The following CELF4 variants were observed in gnomAD, a reference collection of about 807,000 sequenced individuals.
The protein encoded by CELF4 is CUG-BP- and ETR-3-like factor 4.
Under a neutral mutation model 59.9 loss-of-function variants are expected in CELF4, and 18 were observed. The observed-to-expected ratio is 0.30, with a 90% confidence interval of 0.21 to 0.45. The LOEUF is 0.45. Among genes scored for constraint, CELF4 ranks in the 20% least tolerant of loss-of-function variants. CELF4 has a pLI of 1.00. For synonymous variants in CELF4, 261 were observed against 267.1 expected, an observed-to-expected ratio of 0.98 and a Z score of 0.22; for missense variants, 456 against 689.0, an observed-to-expected ratio of 0.66 and a Z score of 3.79.
intron 3 of CELF4, among the ~76,000 whole-genome samples, chr18:37,285,942 C>T (rs986236061): frequency 2.6e-5 from 4 of 152,132 alleles, no homozygotes; most frequent in African/African-American, 4.8e-5. Flanking sequence ...TTTCCGCTGG[C>T]GTCTGGCACA....
chr18:37,323,660 T>C (rs1481070008), intron 2 of CELF4, among the ~76,000 whole-genome samples: 2 of 152,314 alleles, frequency 1.3e-5, no homozygotes, highest in East Asian at 3.9e-4. Context: ...CCCTGAAACC[T>C]GTAGCATTCT....
chr18:37,465,732 T>C (rs1265923884), intron 2 of CELF4, among the ~76,000 whole-genome samples: 3 of 152,150 alleles, frequency 2.0e-5, no homozygotes, highest in African/African-American at 7.2e-5. Context: ...AATGTGGTTA[T>C]GCAGTAAGTG....
At chr18:37,470,836 CTGTGTGTGTGTG>C (rs71381583) in intron 2 of CELF4, among the ~76,000 whole-genome samples, 1,288 of 93,102 alleles carry the variant, frequency 0.014, 27 homozygotes, top group South Asian at 0.038. Flanking sequence ...CTTCATGACT[CTGTGTGTGTGTG>C]TGTGTGTGTG....
At chr18:37,416,344 C>T (rs1202997313) in intron 2 of CELF4, among the ~76,000 whole-genome samples, 1 of 152,214 alleles carries the variant, frequency 6.6e-6, no homozygotes, top group Non-Finnish European at 1.5e-5. Flanking sequence ...GATCCTCCCC[C>T]TGTCAGAACC....
chr18:37,407,719 C>T (rs1007846525), intron 2 of CELF4, among the ~76,000 whole-genome samples: 1 of 151,956 alleles, frequency 6.6e-6, no homozygotes, highest in Non-Finnish European at 1.5e-5. Flanking sequence ...GTTTAATATA[C>T]GAAGTGAAAT....
intron 3 of CELF4, among the ~76,000 whole-genome samples, chr18:37,277,884 C>T (rs957028144): frequency 2.0e-5 from 3 of 152,206 alleles, no homozygotes; most frequent in African/African-American, 7.2e-5. Context: ...AATTCCACTT[C>T]CTCACTTGGA....
chr18:37,543,542 C>T (rs2099979236), intron 1 of CELF4, among the ~76,000 whole-genome samples: 1 of 152,174 alleles, frequency 6.6e-6, no homozygotes, highest in Admixed American at 6.5e-5. Context: ...CTGCTCCTCA[C>T]ATGATGTGCA....
At chr18:37,289,459 G>A (rs1786081) in intron 3 of CELF4, among the ~76,000 whole-genome samples, 79,614 of 151,860 alleles carry the variant, frequency 0.52, 22,029 homozygotes, top group African/African-American at 0.7. Context: ...GACAAGCACT[G>A]TGGGGCTGCT....
intron 2 of CELF4, among the ~76,000 whole-genome samples, chr18:37,322,673 G>C (rs1302337886): frequency 2.6e-5 from 4 of 152,228 alleles, no homozygotes; most frequent in Non-Finnish European, 4.4e-5. Flanking sequence ...GGCTCACCGG[G>C]AGGCACCAGG....
chr18:37,270,291 G>A (rs4799439), intron 8 of CELF4, among the ~76,000 whole-genome samples: 1,681 of 152,330 alleles, frequency 0.011, 11 homozygotes, highest in Non-Finnish European at 0.017. Flanking sequence ...TCGCGCTTTT[G>A]TGTGCACCAA....
At chr18:37,242,868 TC>T, downstream of CELF4, among the ~76,000 whole-genome samples, 1 of 152,240 alleles carries the variant, frequency 6.6e-6, no homozygotes, top group East Asian at 1.9e-4. Context: ...GAACAGGACC[TC>T]CTTTTATTGT....
At chr18:37,547,979 G>A (rs919413330) in intron 1 of CELF4, among the ~76,000 whole-genome samples, 1 of 152,136 alleles carries the variant, frequency 6.6e-6, no homozygotes, top group Non-Finnish European at 1.5e-5. Flanking sequence ...GAGTGTGTGT[G>A]TGTGCTTGCA....
chr18:37,535,985 T>C (rs2099973169), intron 1 of CELF4, among the ~76,000 whole-genome samples: 1 of 152,152 alleles, frequency 6.6e-6, no homozygotes, highest in African/African-American at 2.4e-5. Flanking sequence ...CCCACGCCCC[T>C]GCACATATGT....
chr18:37,486,325 TCA>T (rs2099881324), intron 1 of CELF4, among the ~76,000 whole-genome samples: 1 of 152,112 alleles, frequency 6.6e-6, no homozygotes, highest in African/African-American at 2.4e-5. Flanking sequence ...CTTTCTGGCC[TCA>T]GTCTCCCCAC....
rs377070497 is a variant in CELF4, at chr18:37,266,585, G to A, written c.1113C>T (p.Thr371=). Residue 371 remains threonine (T), a synonymous_variant, in exon 9 of 13, where the codon ACC becomes ACT. Coordinates refer to ENST00000420428, the MANE Select transcript of CELF4 (RefSeq NM_020180.4). ...GIHPYPAQSP[T]AADPLQQAYA... ...AGGCCTGCTGCAGGGGGTCCGCGGCGGTGGGGCTCTGTGCTGTAGGGAGCC... is the reference window on the plus strand; with the variant it reads ...AGGCCTGCTGCAGGGGGTCCGCGGCAGTGGGGCTCTGTGCTGTAGGGAGCC... 45 of 1,592,888 alleles carry A rather than the reference G, an allele frequency of 2.8e-5. No individual in the cohort carries two copies. The African/African-American group carries it at 3.9e-4, about 14-fold the overall frequency.
chr18:37,386,197 G>C (rs980078223), intron 2 of CELF4, among the ~76,000 whole-genome samples: 4 of 152,188 alleles, frequency 2.6e-5, no homozygotes, highest in South Asian at 2.1e-4. Flanking sequence ...CTGCTCTGTG[G>C]ACCTGCAGAT....
intron 2 of CELF4, among the ~76,000 whole-genome samples, chr18:37,465,973 C>T (rs537956954): frequency 6.6e-6 from 1 of 152,258 alleles, no homozygotes; most frequent in South Asian, 2.1e-4. Flanking sequence ...CACCAGGGAG[C>T]CATGGAGGGT....
At chr18:37,564,410 G>A (rs1420206407) in intron 1 of CELF4, among the ~76,000 whole-genome samples, 2 of 152,004 alleles carry the variant, frequency 1.3e-5, no homozygotes, top group Non-Finnish European at 2.9e-5. Context: ...GGCAGGCTGC[G>A]GACAATTCCC....
chr18:37,448,841 C>T (rs184368439), intron 2 of CELF4, among the ~76,000 whole-genome samples: 20 of 152,294 alleles, frequency 1.3e-4, no homozygotes, highest in Admixed American at 1.2e-3. Flanking sequence ...GTCTACTCAC[C>T]CTCCCATGGC....
Sources: gnomAD v4.1 joint callset for allele counts (sites outside exome capture counted in the v4.1 genomes callset) on GRCh38, gnomAD v4.1.1 for gene constraint, MANE v1.5 for transcripts, NCBI Gene and HGNC (gene_info 2026-07-23, HGNC 2026-07-21) for gene names.